The following ZC3H12C variants were observed in gnomAD, a reference collection of about 807,000 sequenced individuals.
ZC3H12C encodes probable ribonuclease ZC3H12C.
ZC3H12C carries 20 observed loss-of-function variants against 76.3 expected under a neutral mutation model. That is an observed-to-expected ratio of 0.26 (90% CI 0.18 to 0.38). The LOEUF (loss-of-function observed/expected upper bound fraction) is 0.38. Ranked by LOEUF, ZC3H12C falls within the 10% of genes least tolerant of loss-of-function variation. The pLI is 1.00. For synonymous variants in ZC3H12C, 352 were observed against 399.6 expected (o/e 0.88, Z 1.42); for missense variants, 874 against 1,086.5 (o/e 0.80, Z 2.75).
chr11:110,124,504 G>A (rs1411510889), intron 1 of ZC3H12C, among the ~76,000 whole-genome samples: 2 of 152,156 alleles, frequency 1.3e-5, no homozygotes, highest in Admixed American at 1.3e-4. Flanking sequence ...ATGCTAAATT[G>A]TACTGTACAC....
intron 2 of ZC3H12C, among the ~76,000 whole-genome samples, chr11:110,146,141 C>T (rs1444075573): frequency 2.6e-5 from 4 of 152,144 alleles, no homozygotes; most frequent in African/African-American, 7.2e-5. Context: ...TGCCCGCCAC[C>T]ACGCCCGGCT....
intron 1 of ZC3H12C, among the ~76,000 whole-genome samples, chr11:110,093,641 C>A (rs186605771): frequency 2.0e-3 from 305 of 151,944 alleles, no homozygotes; most frequent in African/African-American, 6.8e-3. Flanking sequence ...TGGGGCCGAG[C>A]GGAAAGCCCA....
chr11:110,153,657 G>C (rs2134191949), intron 3 of ZC3H12C, among the ~76,000 whole-genome samples: 1 of 152,058 alleles, frequency 6.6e-6, no homozygotes, highest in South Asian at 2.1e-4. Flanking sequence ...CCAAATTCTG[G>C]CTTTGCCCTT....
At chr11:110,140,277 C>A (rs1045593676) in intron 2 of ZC3H12C, among the ~76,000 whole-genome samples, 3 of 152,080 alleles carry the variant, frequency 2.0e-5, no homozygotes, top group African/African-American at 7.2e-5. Flanking sequence ...GCAACAGAGA[C>A]CCCATCTCAA....
At position 110,165,514 on chromosome 11, in the gene ZC3H12C, A is replaced by G. The variant is rs369385530; in HGVS notation, c.2429A>G (p.Gln810Arg). 2.2e-5 allele frequency: 36 copies of G among 1,614,032 alleles called. No homozygotes were observed. The African/African-American group carries it at 3.6e-4, about 16-fold the overall frequency. The change falls in exon 6 of 6, where the codon CAG becomes CGG. Residue 810 changes from glutamine to arginine, a missense_variant. Physicochemically the swap from Gln to Arg is conservative, Grantham distance 43 (BLOSUM62 1). Coordinates refer to ENST00000278590, the MANE Select transcript of ZC3H12C (RefSeq NM_033390.2). ...CCGTGTTATGAGCAGTTCACCTTCC[A>G]GAGCCTCCCTGAGCAACAGGAGCCA... ...TQPCYEQFTF[Q>R]SLPEQQEPAW...
At chr11:110,129,470 C>T (rs1040011303) in intron 1 of ZC3H12C, among the ~76,000 whole-genome samples, 4 of 152,182 alleles carry the variant, frequency 2.6e-5, no homozygotes, top group Admixed American at 6.5e-5. Context: ...GAGTCCCAAA[C>T]TAGTGTTACT....
At chr11:110,131,046 G>A (rs1417004371) in intron 1 of ZC3H12C, 1 of 1,535,854 alleles carries the variant, frequency 6.5e-7, no homozygotes, top group East Asian at 2.4e-5. Context: ...CTAAAATTGT[G>A]TTAAGGAGTT....
intron 1 of ZC3H12C, among the ~76,000 whole-genome samples, chr11:110,093,729 C>T (rs916971925): frequency 7.9e-5 from 12 of 152,202 alleles, no homozygotes; most frequent in Admixed American, 4.6e-4. Context: ...GCCCCGCGGC[C>T]TAAGGCACCG....
chr11:110,153,139 A>C, intron 3 of ZC3H12C, 81 bp downstream of exon 3: 1 of 1,500,808 alleles, frequency 6.7e-7, no homozygotes, highest in Admixed American at 2.4e-5. Flanking sequence ...AGGTATCCTA[A>C]ATCCATTTCA....
At chr11:110,135,165 A>G (rs1297739457) in intron 1 of ZC3H12C, among the ~76,000 whole-genome samples, 1 of 150,686 alleles carries the variant, frequency 6.6e-6, no homozygotes, top group Non-Finnish European at 1.5e-5. Context: ...CTAATGCTGT[A>G]TCTGCGTAGA....
At chr11:110,111,355 C>T (rs1329421521) in intron 1 of ZC3H12C, among the ~76,000 whole-genome samples, 5 of 152,084 alleles carry the variant, frequency 3.3e-5, no homozygotes, top group Admixed American at 2.6e-4. Flanking sequence ...TATAAACCTA[C>T]ATACAGTGTA....
rs1157697031 is a variant in ZC3H12C at position 110,169,831 on chromosome 11, A to C, written c.*4094A>C. The C allele has an allele frequency of 6.6e-6, 1 of 152,216 alleles. No individual in the cohort carries two copies. Among genetic ancestry groups the C allele is most frequent in the East Asian group, 1.9e-4 (1 of 5,206 alleles). 9.4% of individuals were successfully genotyped at this position (152,216 alleles called of 1,614,324 possible). A position where few individuals can be genotyped will look rare whatever the true frequency, so the allele number is the denominator to read the frequency against. On this transcript the variant is annotated 3_prime_UTR_variant, in exon 6 of 6. Transcript: ENST00000278590. ...TAAAGGATCAGATAGTAAATAATAC[A>C]GGAATCATATGGACTTCAAATGCCA... is the stretch of plus-strand genomic sequence containing the variant.
chr11:110,145,907 AC>A (rs1306813609), intron 2 of ZC3H12C, among the ~76,000 whole-genome samples: 1 of 152,202 alleles, frequency 6.6e-6, no homozygotes, highest in Non-Finnish European at 1.5e-5. Flanking sequence ...CGAACACAGG[AC>A]CTATTGGCTC....
At chr11:110,153,520 T>C (rs1209094056) in intron 3 of ZC3H12C, among the ~76,000 whole-genome samples, 1 of 151,492 alleles carries the variant, frequency 6.6e-6, no homozygotes, top group Non-Finnish European at 1.5e-5. Context: ...CTGGTTTTAT[T>C]AATTAAACAT....
At chr11:110,125,010 TG>T (rs1280381757) in intron 1 of ZC3H12C, among the ~76,000 whole-genome samples, 1 of 152,126 alleles carries the variant, frequency 6.6e-6, no homozygotes, top group Admixed American at 6.6e-5. Context: ...ATTGATTAAC[TG>T]GATCTTCAGT....
Position 110,093,545 on chromosome 11 carries a change from G to C in ZC3H12C, c.21+113G>C, listed in dbSNP as rs566785685. The C allele has an allele frequency of 2.3e-3, 1,812 of 777,906 alleles. 23 individuals carry two copies. The African/African-American group carries it at 0.03, about 13-fold the overall frequency. The allele number at this position is 777,906 out of a possible 1,614,324, so 48.2% of individuals were successfully genotyped here. A position where few individuals can be genotyped will look rare whatever the true frequency, so the allele number is the denominator to read the frequency against. ...GCCCGGGCGCCAGGCGGAGGGCGCC[G>C]GGGCCGCAGCGACCTCGCCGTGTGA... On this transcript the variant is annotated intron_variant, in intron 1 of 5. Coordinates refer to ENST00000278590, the MANE Select transcript of ZC3H12C (RefSeq NM_033390.2).
chr11:110,119,799 G>C (rs921252803), intron 1 of ZC3H12C, among the ~76,000 whole-genome samples: 2 of 152,156 alleles, frequency 1.3e-5, no homozygotes, highest in African/African-American at 2.4e-5. Context: ...CGGGGCGAAG[G>C]AGCTTGCTCA....
At chr11:110,140,382 C>T (rs1260253502) in intron 2 of ZC3H12C, among the ~76,000 whole-genome samples, 1 of 152,170 alleles carries the variant, frequency 6.6e-6, no homozygotes, top group African/African-American at 2.4e-5. Flanking sequence ...TGTTTGAGTT[C>T]TTCAATATTC....
chr11:110,133,761 T>C (rs983963300), intron 1 of ZC3H12C, among the ~76,000 whole-genome samples: 16 of 152,144 alleles, frequency 1.1e-4, no homozygotes, highest in African/African-American at 3.9e-4. Flanking sequence ...AATTACATGG[T>C]ATAGTAGGTT....
Sources: gnomAD v4.1 joint callset for allele counts (sites outside exome capture counted in the v4.1 genomes callset) on GRCh38, gnomAD v4.1.1 for gene constraint, MANE v1.5 for transcripts, NCBI Gene and HGNC (gene_info 2026-07-23, HGNC 2026-07-21) for gene names.